TENM2: variants seen among roughly 807,000 people sequenced by gnomAD.
TENM2 encodes the protein teneurin-2.
A neutral mutation model predicts 245.2 loss-of-function variants in TENM2; 52 were observed. The ratio of observed to expected loss-of-function variants is 0.21; its 90% CI spans 0.17 to 0.27. The LOEUF (loss-of-function observed/expected upper bound fraction) is 0.27, where lower values mean the gene tolerates loss of function less well. Among genes scored for constraint, TENM2 ranks in the 10% least tolerant of loss-of-function variants. TENM2 has a pLI of 1.00. For missense variants in TENM2, 3,046 were observed against 3,666.8 expected (o/e 0.83, Z 4.37); for synonymous variants, 1,363 against 1,438.9 (o/e 0.95, Z 1.19).
chr5:167,106,018 G>T, the TENM2 span, among the ~76,000 whole-genome samples: 2 of 146,130 alleles, frequency 1.4e-5, no homozygotes, highest in Non-Finnish European at 3.0e-5. Flanking sequence ...AATCGACAGA[G>T]TTTTTTTTTC....
chr5:167,375,460 AGAT>A, exon 2 of TENM2: 1 of 1,551,724 alleles, frequency 6.4e-7, no homozygotes, highest in African/African-American at 1.4e-5. Flanking sequence ...AAAACAAATC[AGAT>A]GATGAGAACG....
At position 167,341,470 on chromosome 5, in the gene TENM2, T is replaced by G. The variant is rs892862192; in HGVS notation, c.227-33728T>G. Among the ~76,000 whole-genome samples the G allele has an allele frequency of 2.6e-5, 4 of 152,222 alleles. No individual in the cohort carries two copies. The South Asian group carries it at 6.2e-4, about 24-fold the overall frequency. ...CAAAGGACAAATTTTACAGCTTCTT[T>G]TTTTCTTTTCATGTATTGTTTTCTG... On this transcript the variant is annotated intron_variant, in intron 1 of 28. Coordinates refer to ENST00000518659, the Ensembl canonical transcript of TENM2.
intron 2 of TENM2, among the ~76,000 whole-genome samples, chr5:167,798,661 GC>G (rs1460605682): frequency 6.6e-6 from 1 of 152,144 alleles, no homozygotes. Context: ...CCTAGGGCCG[GC>G]CCTGCTTCAA....
intron 2 of TENM2, among the ~76,000 whole-genome samples, chr5:167,415,400 A>G (rs1447423984): frequency 6.6e-6 from 1 of 152,164 alleles, no homozygotes; most frequent in Non-Finnish European, 1.5e-5. Context: ...TTCATAATAA[A>G]TTAACTTATT....
At chr5:167,095,605 T>C in the TENM2 span, among the ~76,000 whole-genome samples, 2 of 152,138 alleles carry the variant, frequency 1.3e-5, no homozygotes, top group Non-Finnish European at 2.9e-5. Context: ...TGTAATTTTA[T>C]TTTTTAAATG....
At chr5:167,009,285 A>G in the TENM2 span, among the ~76,000 whole-genome samples, 2 of 152,210 alleles carry the variant, frequency 1.3e-5, no homozygotes, top group Non-Finnish European at 2.9e-5. Context: ...AAACCTGAGC[A>G]AAGGCATAGA....
intron 5 of TENM2, among the ~76,000 whole-genome samples, chr5:168,025,420 CT>C (rs1172218176): frequency 2.6e-5 from 4 of 151,726 alleles, no homozygotes; most frequent in Admixed American, 1.3e-4. Flanking sequence ...AAAGTAGAAT[CT>C]TTTTTTTTCT....
At chr5:167,847,008 G>A (rs1249617347) in intron 2 of TENM2, among the ~76,000 whole-genome samples, 1 of 152,224 alleles carries the variant, frequency 6.6e-6, no homozygotes, top group Non-Finnish European at 1.5e-5. Context: ...ACAGGCTGGA[G>A]TGTAGTGGTG....
chr5:167,603,243 A>G (rs949623317), intron 2 of TENM2, among the ~76,000 whole-genome samples: 6 of 152,208 alleles, frequency 3.9e-5, no homozygotes, highest in Non-Finnish European at 2.9e-5. Context: ...GTGAGATTTC[A>G]TTGGTGAAAC....
intron 5 of TENM2, among the ~76,000 whole-genome samples, chr5:168,033,837 A>T (rs1272501658): frequency 6.6e-6 from 1 of 151,178 alleles, no homozygotes; most frequent in Non-Finnish European, 1.5e-5. Flanking sequence ...GACCAGCCTG[A>T]CCAACATGGT....
chr5:167,562,619 A>C (rs1336501383), intron 2 of TENM2, among the ~76,000 whole-genome samples: 2 of 152,188 alleles, frequency 1.3e-5, no homozygotes, highest in Admixed American at 1.3e-4. Context: ...CAGAATGTGA[A>C]GTATTCAAAT....
chr5:168,243,956 TTA>T (rs778922789), intron 25 of TENM2, among the ~76,000 whole-genome samples: 19 of 149,824 alleles, frequency 1.3e-4, no homozygotes, highest in South Asian at 2.1e-4. Flanking sequence ...TTTTTTTTTT[TTA>T]AGATAGAGTC....
chr5:167,766,737 G>A (rs1763050633), intron 2 of TENM2, among the ~76,000 whole-genome samples: 1 of 151,912 alleles, frequency 6.6e-6, no homozygotes, highest in Admixed American at 6.6e-5. Flanking sequence ...AAATTAACTG[G>A]GTGTTGTGAT....
chr5:168,249,184 A>G (rs979413410), intron 27 of TENM2, among the ~76,000 whole-genome samples: 2 of 152,112 alleles, frequency 1.3e-5, no homozygotes, highest in African/African-American at 2.4e-5. Context: ...TGATCATGAA[A>G]TGGTATCTGC....
intron 3 of TENM2, among the ~76,000 whole-genome samples, chr5:167,926,243 C>T (rs2151667587): frequency 6.6e-6 from 1 of 152,318 alleles, no homozygotes; most frequent in Middle Eastern, 3.4e-3. Context: ...ATTCTTCCCA[C>T]ACAGAAATAC....
chr5:167,833,215 A>T (rs1201379530), intron 2 of TENM2, among the ~76,000 whole-genome samples: 1 of 152,138 alleles, frequency 6.6e-6, no homozygotes, highest in East Asian at 1.9e-4. Context: ...TTTATAATGA[A>T]ATATTTTATT....
chr5:168,157,380 G>C (rs932004798), intron 12 of TENM2, among the ~76,000 whole-genome samples: 4 of 152,194 alleles, frequency 2.6e-5, no homozygotes, highest in Non-Finnish European at 5.9e-5. Flanking sequence ...AGCTATTGAA[G>C]TGTTTCCAGC....
chr5:167,558,891 A>G (rs1582386090), intron 2 of TENM2, among the ~76,000 whole-genome samples: 1 of 152,108 alleles, frequency 6.6e-6, no homozygotes, highest in Non-Finnish European at 1.5e-5. Flanking sequence ...GAAAAAAAAA[A>G]AAAACTGAGT....
intron 2 of TENM2, among the ~76,000 whole-genome samples, chr5:167,423,015 C>T (rs1763599192): frequency 6.6e-6 from 1 of 152,118 alleles, no homozygotes; most frequent in Admixed American, 6.6e-5. Flanking sequence ...TAGCATATTT[C>T]AAACTGCAAT....
Sources: gnomAD v4.1 joint callset for allele counts (sites outside exome capture counted in the v4.1 genomes callset) on GRCh38, gnomAD v4.1.1 for gene constraint, MANE v1.5 for transcripts, NCBI Gene and HGNC (gene_info 2026-07-23, HGNC 2026-07-21) for gene names.